RIT2: variants seen among roughly 807,000 people sequenced by gnomAD.
RIT2 encodes the protein GTP-binding protein Rit2.
Under a neutral mutation model 23.7 loss-of-function variants are expected in RIT2, and 24 were observed. That is an observed-to-expected ratio of 1.01 (90% CI 0.73 to 1.43). The LOEUF is 1.43. RIT2 is among the 40% of genes most tolerant of loss of function. The pLI is 0.00. For missense variants in RIT2, 236 were observed against 266.9 expected (o/e 0.88, Z 0.81); for synonymous variants, 107 against 91.1 (o/e 1.17, Z -0.99).
At chr18:43,090,608 T>C (rs576083412) in intron 1 of RIT2, among the ~76,000 whole-genome samples, 1 of 152,084 alleles carries the variant, frequency 6.6e-6, no homozygotes, top group South Asian at 2.1e-4. Context: ...ATCAAAAACA[T>C]ATCAATCTAA....
In RIT2 at chr18:42,800,899, TCTGA is replaced by T. The variant is rs1490408545; in HGVS notation, c.427-57183_427-57180del. ...AGTTTCCTATATTGGAATTATTACC[TCTGA>T]CTGTGTCCACACTTCTGTTCTCTAC... On this transcript the variant is annotated intron_variant, in intron 4 of 4. Coordinates refer to ENST00000326695, the MANE Select transcript of RIT2 (RefSeq NM_002930.4). 5.9e-5 allele frequency among the ~76,000 whole-genome samples: 9 copies of T among 152,312 alleles called. No individual in the cohort carries two copies. In the East Asian group the frequency reaches 1.7e-3, roughly 29 times the overall value.
chr18:42,964,592 C>G (rs368178668), intron 3 of RIT2, among the ~76,000 whole-genome samples: 1 of 152,228 alleles, frequency 6.6e-6, no homozygotes, highest in South Asian at 2.1e-4. Context: ...CTGAGCCAGA[C>G]GAAGGCATGA....
At chr18:43,036,967 T>C (rs1426396178) in intron 1 of RIT2, among the ~76,000 whole-genome samples, 1 of 152,240 alleles carries the variant, frequency 6.6e-6, no homozygotes, top group Non-Finnish European at 1.5e-5. Flanking sequence ...TTTCATTTTA[T>C]GTTACACAGT....
chr18:43,080,704 G>C (rs907812799), intron 1 of RIT2, among the ~76,000 whole-genome samples: 60 of 152,272 alleles, frequency 3.9e-4, no homozygotes, highest in African/African-American at 1.3e-3. Context: ...AGCAAGGTAA[G>C]AAGGGAAATT....
At chr18:42,956,790 G>A (rs1372851745) in intron 3 of RIT2, among the ~76,000 whole-genome samples, 1 of 152,058 alleles carries the variant, frequency 6.6e-6, no homozygotes, top group Non-Finnish European at 1.5e-5. Flanking sequence ...TTTGCAATAG[G>A]CAGTGTGAGG....
At chr18:42,979,157 A>C (rs942930539) in intron 2 of RIT2, among the ~76,000 whole-genome samples, 1 of 152,156 alleles carries the variant, frequency 6.6e-6, no homozygotes, top group Non-Finnish European at 1.5e-5. Flanking sequence ...GTTTTTGATT[A>C]ATTAAAAAGT....
At chr18:43,004,492 G>A (rs1307765890) in intron 2 of RIT2, among the ~76,000 whole-genome samples, 1 of 151,848 alleles carries the variant, frequency 6.6e-6, no homozygotes, top group Non-Finnish European at 1.5e-5. Flanking sequence ...AAGTTAGCAT[G>A]AGCCTCATAA....
At chr18:43,112,153 T>A (rs558431399) in intron 1 of RIT2, among the ~76,000 whole-genome samples, 2 of 152,170 alleles carry the variant, frequency 1.3e-5, no homozygotes, top group Admixed American at 6.5e-5. Flanking sequence ...TATCAATGGA[T>A]CTGTTTTCTT....
chr18:42,877,197 A>G (rs1324575246), intron 4 of RIT2, among the ~76,000 whole-genome samples: 1 of 151,910 alleles, frequency 6.6e-6, no homozygotes, highest in Admixed American at 6.6e-5. Context: ...TAGGTAGAAG[A>G]CATATGGTTA....
At chr18:42,875,086 G>T (rs988228231) in intron 4 of RIT2, among the ~76,000 whole-genome samples, 1 of 151,994 alleles carries the variant, frequency 6.6e-6, no homozygotes, top group African/African-American at 2.4e-5. Context: ...TTGCTTTCCT[G>T]TCTCTCGGCT....
intron 4 of RIT2, among the ~76,000 whole-genome samples, chr18:42,754,049 G>A (rs1913106662): frequency 6.6e-6 from 1 of 152,148 alleles, no homozygotes; most frequent in African/African-American, 2.4e-5. Context: ...CCTTCCAAGA[G>A]TGCTCTATCT....
chr18:42,788,189 A>G (rs188025261), intron 4 of RIT2, among the ~76,000 whole-genome samples: 8 of 152,288 alleles, frequency 5.3e-5, no homozygotes, highest in African/African-American at 1.9e-4. Context: ...GTTTAATACA[A>G]AACAGCTAGA....
chr18:42,928,635 G>A (rs1458099778), intron 3 of RIT2, among the ~76,000 whole-genome samples: 2 of 151,992 alleles, frequency 1.3e-5, no homozygotes, highest in Non-Finnish European at 2.9e-5. Flanking sequence ...AAGGATTAAA[G>A]TCTAGGTATC....
chr18:43,076,948 A>G (rs1298547204), intron 1 of RIT2, among the ~76,000 whole-genome samples: 1 of 151,160 alleles, frequency 6.6e-6, no homozygotes, highest in Admixed American at 6.6e-5. Flanking sequence ...CTAAAAATAC[A>G]AAAAATTAGC....
At chr18:43,108,069 G>A (rs1913870511) in intron 1 of RIT2, among the ~76,000 whole-genome samples, 1 of 151,568 alleles carries the variant, frequency 6.6e-6, no homozygotes, top group Non-Finnish European at 1.5e-5. Context: ...AGTTATTCGG[G>A]GAGGCTGAGG....
chr18:43,106,958 T>C (rs946860984), intron 1 of RIT2, among the ~76,000 whole-genome samples: 1 of 152,156 alleles, frequency 6.6e-6, no homozygotes, highest in African/African-American at 2.4e-5. Flanking sequence ...TGAGTAGATA[T>C]CATTGATGGG....
intron 4 of RIT2, among the ~76,000 whole-genome samples, chr18:42,849,906 T>C (rs1211187647): frequency 6.6e-6 from 1 of 152,172 alleles, no homozygotes; most frequent in African/African-American, 2.4e-5. Context: ...GTCCTCAATT[T>C]TCTCATCTAT....
At chr18:42,985,445 G>A (rs796982453) in intron 2 of RIT2, among the ~76,000 whole-genome samples, 2 of 152,226 alleles carry the variant, frequency 1.3e-5, no homozygotes, top group African/African-American at 4.8e-5. Context: ...ACAGAGCCAA[G>A]ACTTTGTTTA....
chr18:42,985,884 G>A (rs1910695999), intron 2 of RIT2, among the ~76,000 whole-genome samples: 1 of 151,888 alleles, frequency 6.6e-6, no homozygotes, highest in African/African-American at 2.4e-5. Flanking sequence ...AGATTGACCA[G>A]TTGGAATACA....
Sources: gnomAD v4.1 joint callset for allele counts (sites outside exome capture counted in the v4.1 genomes callset) on GRCh38, gnomAD v4.1.1 for gene constraint, MANE v1.5 for transcripts, NCBI Gene and HGNC (gene_info 2026-07-23, HGNC 2026-07-21) for gene names.